Variants in GDA observed in about 807,000 individuals in gnomAD.
GDA encodes the protein cytoplasmic PSD-95 interactor.
A neutral mutation model predicts 59.6 loss-of-function variants in GDA; 18 were observed. The ratio of observed to expected loss-of-function variants is 0.30; its 90% confidence interval spans 0.21 to 0.45. The LOEUF is 0.45. Among genes scored for constraint, GDA ranks in the 20% least tolerant of loss-of-function variants. GDA has a pLI of 1.00. For synonymous variants in GDA, 201 were observed against 201.1 expected, an observed-to-expected ratio of 1.00 and a Z score of 0.00; for missense variants, 427 against 552.3, an observed-to-expected ratio of 0.77 and a Z score of 2.27.
chr9:72,186,811 C>T (rs1831909889), intron 1 of GDA, among the ~76,000 whole-genome samples: 1 of 152,170 alleles, frequency 6.6e-6, no homozygotes, highest in Admixed American at 6.5e-5. Flanking sequence ...TGGATACTTA[C>T]CAAGTACCAA....
chr9:72,197,612 A>G (rs1833350762), intron 2 of GDA: 1 of 152,114 alleles, frequency 6.6e-6, no homozygotes, highest in African/African-American at 2.4e-5. Flanking sequence ...TTGAAATTAA[A>G]TCCATCAGAA....
At chr9:72,183,091 G>A (rs1831446114) in intron 1 of GDA, among the ~76,000 whole-genome samples, 1 of 152,084 alleles carries the variant, frequency 6.6e-6, no homozygotes, top group South Asian at 2.1e-4. Context: ...GAGTCACTTG[G>A]TTCTGTTTTG....
intron 5 of GDA, among the ~76,000 whole-genome samples, chr9:72,218,175 A>C (rs1024461352): frequency 6.6e-6 from 1 of 152,196 alleles, no homozygotes; most frequent in Non-Finnish European, 1.5e-5. Flanking sequence ...CAGCCTCCCA[A>C]AGTGCTGAGA....
At chr9:72,143,480 A>G (rs1826516503) in intron 1 of GDA, among the ~76,000 whole-genome samples, 1 of 152,124 alleles carries the variant, frequency 6.6e-6, no homozygotes, top group Non-Finnish European at 1.5e-5. Flanking sequence ...GGCATCAGCT[A>G]AATTTTACTA....
At chr9:72,129,858 G>T (rs1825966017) in intron 1 of GDA, among the ~76,000 whole-genome samples, 1 of 152,176 alleles carries the variant, frequency 6.6e-6, no homozygotes, top group Non-Finnish European at 1.5e-5. Context: ...TTAACAGAAT[G>T]AGTTGTGTAT....
chr9:72,167,210 G>C (rs1469450623), intron 1 of GDA, among the ~76,000 whole-genome samples: 1 of 152,114 alleles, frequency 6.6e-6, no homozygotes, highest in South Asian at 2.1e-4. Flanking sequence ...TCCAGACAAT[G>C]AAATGCCAGG....
chr9:72,241,214 A>C lies in GDA; in HGVS notation c.1051A>C (p.Asn351His), dbSNP rs1839576184. 1.2e-6 allele frequency: 2 copies of C among 1,610,034 alleles called. No homozygotes were observed. Among genetic ancestry groups the C allele is most frequent in the East Asian group, 4.5e-5 (2 of 44,816 alleles). The part of the protein sequence containing the change: ...DAIRRAVMVS[N>H]ILLINKVNEK... ...AATCAGAAGAGCAGTGATGGTTTCC[A>C]ATATCCTTTTAATTAATAAGGTAAA... is the stretch of plus-strand genomic sequence containing the variant. Residue 351 changes from asparagine (N) to histidine (H), a missense_variant, in exon 11 of 14, where the codon AAT becomes CAT. Transcript: ENST00000358399.
chr9:72,258,682 A>T (rs1393473613), downstream of GDA, among the ~76,000 whole-genome samples: 2 of 152,220 alleles, frequency 1.3e-5, no homozygotes, highest in Non-Finnish European at 2.9e-5. Context: ...GTCCCTGCCC[A>T]CCTGGACTGA....
In GDA at chr9:72,204,962, A is replaced by G. The variant is rs192852434; in HGVS notation, c.384+2220A>G. ...CCCTGTCTCTACTAAAAATACAAAA[A>G]TTAGCTGGGTGTGGTGGCATGTGCC... On this transcript the variant is annotated intron_variant, in intron 3 of 13. Transcript: ENST00000358399. Among the ~76,000 whole-genome samples the G allele has an allele frequency of 6.1e-3, 934 of 152,188 alleles. 3 individuals carry two copies. Among genetic ancestry groups the G allele is most frequent in the Non-Finnish European group, 0.011 (722 of 68,012 alleles).
At chr9:72,209,462 T>G (rs936496399) in intron 3 of GDA, among the ~76,000 whole-genome samples, 1 of 152,224 alleles carries the variant, frequency 6.6e-6, no homozygotes, top group South Asian at 2.1e-4. Context: ...ATTCTGATTT[T>G]CATAGCATTC....
intron 2 of GDA, among the ~76,000 whole-genome samples, chr9:72,200,676 C>A (rs528852915): frequency 2.8e-4 from 42 of 152,174 alleles, no homozygotes; most frequent in Admixed American, 4.6e-4. Flanking sequence ...GGAGAGAAAG[C>A]AAAGACCCAA....
At chr9:72,183,458 G>A (rs1831502557) in intron 1 of GDA, among the ~76,000 whole-genome samples, 1 of 152,010 alleles carries the variant, frequency 6.6e-6, no homozygotes, top group Non-Finnish European at 1.5e-5. Context: ...TATATGAATG[G>A]AAGGAAAAGG....
chr9:72,228,071 C>T lies in GDA; in HGVS notation c.920+31C>T, dbSNP rs375884548. 2.8e-5 allele frequency: 34 copies of T among 1,226,148 alleles called. No homozygotes were observed. The African/African-American group carries it at 3.5e-4, about 13-fold the overall frequency. The allele number at this position is 1,226,148 out of a possible 1,614,324, so 76.0% of individuals were successfully genotyped here. Reference sequence around the variant, plus strand: ...TAGACAATGATTGTTTGGTAGATTACGAATGATTGGGTTGCAGATTAGCAG... The same window carrying T: ...TAGACAATGATTGTTTGGTAGATTATGAATGATTGGGTTGCAGATTAGCAG... On this transcript the variant is annotated intron_variant, in intron 9 of 13. Coordinates refer to ENST00000358399, the MANE Select transcript of GDA (RefSeq NM_004293.5).
chr9:72,152,504 T>G (rs1827336742), intron 1 of GDA, among the ~76,000 whole-genome samples: 1 of 152,224 alleles, frequency 6.6e-6, no homozygotes, highest in Non-Finnish European at 1.5e-5. Context: ...AGCTGATATC[T>G]CATTGTGGTT....
chr9:72,148,289 C>T (rs1234249039), upstream of GDA, among the ~76,000 whole-genome samples: 1 of 147,598 alleles, frequency 6.8e-6, no homozygotes, highest in Non-Finnish European at 1.5e-5. Context: ...TCCTGTGGTG[C>T]TTCTGTTATT....
At chr9:72,257,907 G>T (rs1345876968), downstream of GDA, 3 of 151,408 alleles carry the variant, frequency 2.0e-5, no homozygotes, top group East Asian at 5.8e-4. Context: ...ACTCCAGCCT[G>T]GGTGACAGAG....
At chr9:72,221,447 C>T (rs577481798) in intron 6 of GDA, among the ~76,000 whole-genome samples, 24 of 152,232 alleles carry the variant, frequency 1.6e-4, no homozygotes, top group Non-Finnish European at 2.6e-4. Flanking sequence ...GTACTTCCAC[C>T]GACTGTTAGA....
At chr9:72,231,004 G>T in intron 9 of GDA, 110 bp from the exon 10 acceptor site, 3 of 749,326 alleles carry the variant, frequency 4.0e-6, no homozygotes, top group East Asian at 2.5e-5. Flanking sequence ...CATTAGAGCC[G>T]ATATATTGGG....
chr9:72,161,065 T>A (rs1828566983), intron 1 of GDA, among the ~76,000 whole-genome samples: 1 of 123,694 alleles, frequency 8.1e-6, no homozygotes, highest in South Asian at 2.8e-4. Flanking sequence ...TGCCACTAAT[T>A]TTTTTTTTTT....
Sources: gnomAD v4.1 joint callset for allele counts (sites outside exome capture counted in the v4.1 genomes callset) on GRCh38, gnomAD v4.1.1 for gene constraint, MANE v1.5 for transcripts, NCBI Gene and HGNC (gene_info 2026-07-23, HGNC 2026-07-21) for gene names.